GPCPD1: variants seen among roughly 807,000 people sequenced by gnomAD.
GPCPD1 encodes glycerophosphocholine phosphodiesterase GPCPD1.
Under a neutral mutation model 89.2 loss-of-function variants are expected in GPCPD1, and 29 were observed. The ratio of observed to expected loss-of-function variants is 0.33; its 90% CI spans 0.24 to 0.44. The LOEUF (loss-of-function observed/expected upper bound fraction) is 0.44. Among genes scored for constraint, GPCPD1 ranks in the 20% least tolerant of loss-of-function variants. GPCPD1 has a pLI of 1.00. For missense variants in GPCPD1, 594 were observed against 808.9 expected, an observed-to-expected ratio of 0.73 and a Z score of 3.22; for synonymous variants, 258 against 266.3, an observed-to-expected ratio of 0.97 and a Z score of 0.30.
chr20:5,558,469 T>TA (rs1288354447), intron 18 of GPCPD1, among the ~76,000 whole-genome samples: 1 of 152,188 alleles, frequency 6.6e-6, no homozygotes, highest in African/African-American at 2.4e-5. Context: ...AAAGTTAAAC[T>TA]AAAAAATTTA....
Position 5,594,262 on chromosome 20 carries a change from C to T in GPCPD1, c.147-851G>A, listed in dbSNP as rs550364041. Reference sequence around the variant, plus strand: ...ATTAGGAACTCTGGGGGTGGGGGCCCAGTAACCTGTATTTTAACAAGCCTC... The same window carrying T: ...ATTAGGAACTCTGGGGGTGGGGGCCTAGTAACCTGTATTTTAACAAGCCTC... On this transcript the variant is annotated intron_variant, in intron 3 of 19. Coordinates refer to ENST00000379019, the MANE Select transcript of GPCPD1 (RefSeq NM_019593.5). Among the ~76,000 whole-genome samples, 16 of 152,184 alleles carry T rather than the reference C, an allele frequency of 1.1e-4. No individual in the cohort carries two copies. The South Asian group carries it at 3.1e-3, about 30-fold the overall frequency.
chr20:5,551,596 G>A (rs1345853983), intron 19 of GPCPD1, among the ~76,000 whole-genome samples: 1 of 152,074 alleles, frequency 6.6e-6, no homozygotes, highest in East Asian at 1.9e-4. Flanking sequence ...ATAATTACAA[G>A]TTTTATGAAG....
At chr20:5,562,358 C>T (rs961789907) in intron 15 of GPCPD1, among the ~76,000 whole-genome samples, 3 of 152,228 alleles carry the variant, frequency 2.0e-5, no homozygotes, top group African/African-American at 7.2e-5. Context: ...TCTCAGTTCA[C>T]TGCAACCTCC....
At chr20:5,556,988 AGTT>A (rs1346328069) in intron 19 of GPCPD1, among the ~76,000 whole-genome samples, 5 of 152,242 alleles carry the variant, frequency 3.3e-5, no homozygotes, top group African/African-American at 9.6e-5. Context: ...TGTGAATAGA[AGTT>A]GTTATTTGAA....
chr20:5,561,803 C>T (rs577582163), intron 15 of GPCPD1, among the ~76,000 whole-genome samples: 23 of 152,298 alleles, frequency 1.5e-4, no homozygotes, highest in Non-Finnish European at 2.9e-4. Flanking sequence ...TGGTCCTTAA[C>T]CTCAAATCCT....
chr20:5,574,905 G>A lies in GPCPD1; in HGVS notation c.1001+508C>T, dbSNP rs1478522719. ...TAGAAAATCTGTGGCATGAGCTATC[G>A]CACTGGTAATTAAATAAACTTACAA... On this transcript the variant is annotated intron_variant, in intron 10 of 19. Coordinates refer to ENST00000379019, the MANE Select transcript of GPCPD1 (RefSeq NM_019593.5). Among the ~76,000 whole-genome samples, 6 of 152,142 alleles carry A rather than the reference G, an allele frequency of 3.9e-5. No homozygotes were observed. In the East Asian group the frequency reaches 9.6e-4, roughly 24 times the overall value.
At chr20:5,588,113 G>C (rs1979056383) in intron 4 of GPCPD1, among the ~76,000 whole-genome samples, 1 of 152,132 alleles carries the variant, frequency 6.6e-6, no homozygotes, top group South Asian at 2.1e-4. Flanking sequence ...ATACTAAAAA[G>C]AAAATCAAAT....
chr20:5,591,455 A>C (rs1236099206), intron 4 of GPCPD1, among the ~76,000 whole-genome samples: 1 of 152,204 alleles, frequency 6.6e-6, no homozygotes, highest in Non-Finnish European at 1.5e-5. Context: ...CCATAATCGC[A>C]AAACTTTTAG....
chr20:5,582,186 C>CAAAAAAAAAAAAAAAAA (rs1164754193), intron 6 of GPCPD1, among the ~76,000 whole-genome samples: 1 of 36,280 alleles, frequency 2.8e-5, no homozygotes, highest in African/African-American at 1.1e-4. Flanking sequence ...ACTCCCGTCT[C>CAAAAAAAAAAAAAAAAA]AAAAAAAAAA....
At chr20:5,554,426 G>C (rs1282219856) in intron 19 of GPCPD1, among the ~76,000 whole-genome samples, 3 of 152,168 alleles carry the variant, frequency 2.0e-5, no homozygotes, top group African/African-American at 7.2e-5. Context: ...TAATACAACT[G>C]ATGATGAGTT....
chr20:5,561,446 T>C lies in GPCPD1; in HGVS notation c.1395+19A>G, dbSNP rs2273372. 293,187 of 1,388,054 alleles carry C rather than the reference T, an allele frequency of 0.21. 33,176 individuals are homozygous for C. The highest frequency in any genetic ancestry group is 0.39 in the East Asian group (16,828 of 43,454). 86.0% of individuals were successfully genotyped at this position (1,388,054 alleles called of 1,614,324 possible). A position where few individuals can be genotyped will look rare whatever the true frequency, so the allele number is the denominator to read the frequency against. ...TAGGCATAGAGAGTATAGAATGTGC[T>C]GCATAGAGAATTACTTACCCTTTGC... On this transcript the variant is annotated intron_variant, in intron 16 of 19. Transcript: ENST00000379019.
chr20:5,589,884 T>C (rs1261081790), intron 4 of GPCPD1, among the ~76,000 whole-genome samples: 8 of 152,222 alleles, frequency 5.3e-5, no homozygotes, highest in Admixed American at 5.2e-4. Flanking sequence ...TCTAAGACAA[T>C]ATTCCATTAA....
chr20:5,577,861 T>C (rs1181879762), intron 8 of GPCPD1, among the ~76,000 whole-genome samples: 1 of 152,188 alleles, frequency 6.6e-6, no homozygotes, highest in Non-Finnish European at 1.5e-5. Flanking sequence ...CTAGTGTAAG[T>C]ATCACATGTA....
At chr20:5,583,500 A>G (rs955815174) in intron 6 of GPCPD1, among the ~76,000 whole-genome samples, 14 of 152,136 alleles carry the variant, frequency 9.2e-5, no homozygotes, top group Non-Finnish European at 1.5e-4. Flanking sequence ...GTGAGCCGAG[A>G]CTGCACCACT....
chr20:5,561,774 T>C (rs1238730647), intron 15 of GPCPD1, among the ~76,000 whole-genome samples: 1 of 152,248 alleles, frequency 6.6e-6, no homozygotes, highest in Non-Finnish European at 1.5e-5. Context: ...CTGTCTGTGA[T>C]AACTGACAAA....
intron 8 of GPCPD1, among the ~76,000 whole-genome samples, chr20:5,577,656 C>T (rs1173269314): frequency 1.3e-5 from 2 of 151,936 alleles, no homozygotes; most frequent in African/African-American, 2.4e-5. Flanking sequence ...CTGGGGGCTA[C>T]TGGTGGTCAA....
At chr20:5,594,190 G>C (rs1476199126) in intron 3 of GPCPD1, among the ~76,000 whole-genome samples, 1 of 152,130 alleles carries the variant, frequency 6.6e-6, no homozygotes, top group African/African-American at 2.4e-5. Context: ...TAGTAGCTGG[G>C]AGCTTCTTAG....
chr20:5,545,982 G>A lies in GPCPD1; in HGVS notation c.*1679C>T, dbSNP rs1018488269. The A allele has an allele frequency of 1.3e-5, 2 of 152,174 alleles. No individual in the cohort carries two copies. The highest frequency in any genetic ancestry group is 4.8e-5 in the African/African-American group (2 of 41,422). The allele number at this position is 152,174 out of a possible 1,614,324, so 9.4% of individuals were successfully genotyped here. On this transcript the variant is annotated 3_prime_UTR_variant, in exon 20 of 20. Coordinates refer to ENST00000379019, the MANE Select transcript of GPCPD1 (RefSeq NM_019593.5). ...TAGAAACAAACATATATGGCTAATCGAGTTACTATAAAGAAATGGTAACCG... is the reference window on the plus strand; with the variant it reads ...TAGAAACAAACATATATGGCTAATCAAGTTACTATAAAGAAATGGTAACCG...
At chr20:5,561,689 A>G (rs1986090345) in intron 15 of GPCPD1, among the ~76,000 whole-genome samples, 159 bp from the exon 16 acceptor site, 1 of 152,274 alleles carries the variant, frequency 6.6e-6, no homozygotes. Flanking sequence ...GTCATACTCA[A>G]AGTGACAACC....
Sources: gnomAD v4.1 joint callset for allele counts (sites outside exome capture counted in the v4.1 genomes callset) on GRCh38, gnomAD v4.1.1 for gene constraint, MANE v1.5 for transcripts, NCBI Gene and HGNC (gene_info 2026-07-23, HGNC 2026-07-21) for gene names.